Variants in LMO3 observed in about 807,000 individuals in gnomAD.
LMO3 encodes LIM domain only protein 3.
A neutral mutation model predicts 15.8 loss-of-function variants in LMO3; 2 were observed. The observed-to-expected ratio is 0.13, with a 90% CI of 0.05 to 0.40. The LOEUF (loss-of-function observed/expected upper bound fraction) is 0.40, where lower values mean the gene tolerates loss of function less well. LMO3 is among the 10% of genes least tolerant of loss of function. The pLI, the probability that LMO3 is intolerant of heterozygous loss-of-function variation, is 0.99. For synonymous variants in LMO3, 62 were observed against 63.8 expected (o/e 0.97, Z 0.13); for missense variants, 86 against 182.2 (o/e 0.47, Z 3.04).
chr12:16,605,578 G>A (rs1366758925), intron 1 of LMO3: 3 of 658,820 alleles, frequency 4.6e-6, no homozygotes, highest in African/African-American at 1.8e-5. Flanking sequence ...TAAGAAGTGG[G>A]GGTTCATGAA....
At position 16,581,340 on chromosome 12, in the gene LMO3, G is replaced by C. The variant is rs376362522; in HGVS notation, c.206+19315C>G. Among the ~76,000 whole-genome samples the C allele has an allele frequency of 2.0e-4, 30 of 152,214 alleles. No individual in the cohort carries two copies. In the East Asian group the frequency reaches 4.3e-3, roughly 22 times the overall value. ...TGACTAAATGACTTAATTACCCTCA[G>C]CCTCAGTGCCTTCTTCTCTAAAATG... On this transcript the variant is annotated intron_variant, in intron 2 of 3. Transcript: ENST00000537304.
intron 2 of LMO3, among the ~76,000 whole-genome samples, chr12:16,562,341 T>A (rs972562279): frequency 5.9e-5 from 9 of 152,228 alleles, no homozygotes; most frequent in Admixed American, 5.2e-4. Flanking sequence ...AGTTCTTTAT[T>A]CAATGAATAT....
At chr12:16,581,723 CT>C (rs971435953) in intron 2 of LMO3, among the ~76,000 whole-genome samples, 129 of 151,856 alleles carry the variant, frequency 8.5e-4, no homozygotes, top group African/African-American at 2.8e-3. Flanking sequence ...AAATAGAGGA[CT>C]TTTTTTTCAG....
chr12:16,605,539 A>T, intron 1 of LMO3: 1 of 496,812 alleles, frequency 2.0e-6, no homozygotes, highest in Non-Finnish European at 3.3e-6. Flanking sequence ...AGCGTCAACA[A>T]GGACCAAAAG....
intron 2 of LMO3, among the ~76,000 whole-genome samples, chr12:16,577,237 G>A (rs2137501789): frequency 6.6e-6 from 1 of 152,204 alleles, no homozygotes; most frequent in South Asian, 2.1e-4. Context: ...GTCAGAAGGT[G>A]CACCAACACC....
rs192001172 is a variant in LMO3, at chr12:16,548,950, C to T, written c.*2272G>A. On this transcript the variant is annotated 3_prime_UTR_variant, in exon 4 of 4. Coordinates refer to ENST00000537304, the MANE Select transcript of LMO3 (RefSeq NM_018640.5). This position sits in a 1 kb window ranked among gnomAD's most constrained non-coding sequence, Gnocchi z 4.2. Reference sequence around the variant, plus strand: ...AGCAGTGAAAACCTTGTTTGGTCTTCCAGTGGCAAGGATAGTTGAACAACT... The same window carrying T: ...AGCAGTGAAAACCTTGTTTGGTCTTTCAGTGGCAAGGATAGTTGAACAACT... The T allele has an allele frequency of 5.3e-5, 8 of 152,200 alleles. No homozygotes were observed. 9.4% of individuals were successfully genotyped at this position (152,200 alleles called of 1,614,324 possible). A position where few individuals can be genotyped will look rare whatever the true frequency, so the allele number is the denominator to read the frequency against.
At chr12:16,570,446 A>C (rs926296040) in intron 2 of LMO3, among the ~76,000 whole-genome samples, 19 of 152,168 alleles carry the variant, frequency 1.2e-4, no homozygotes, top group African/African-American at 4.3e-4. Flanking sequence ...CAAATACTGA[A>C]ATTTTCAACA....
At chr12:16,568,142 G>C in intron 2 of LMO3, among the ~76,000 whole-genome samples, 1 of 152,096 alleles carries the variant, frequency 6.6e-6, no homozygotes, top group South Asian at 2.1e-4. Flanking sequence ...CGGTTTCTCT[G>C]GGTATTGTAT....
At chr12:16,590,632 A>G (rs1683655960) in intron 2 of LMO3, among the ~76,000 whole-genome samples, 1 of 152,020 alleles carries the variant, frequency 6.6e-6, no homozygotes, top group African/African-American at 2.4e-5. Flanking sequence ...CATTGTGATC[A>G]GGACAGTTTG....
At chr12:16,561,070 A>C (rs7953162) in intron 2 of LMO3, among the ~76,000 whole-genome samples, 9,978 of 152,218 alleles carry the variant, frequency 0.066, 763 homozygotes, top group African/African-American at 0.18. Flanking sequence ...CCATAGTTAT[A>C]GCTATGATTA....
rs1272100235 is a variant in LMO3 at position 16,593,584 on chromosome 12, A to G, written c.206+7071T>C. Among the ~76,000 whole-genome samples the G allele has an allele frequency of 1.3e-5, 2 of 151,836 alleles. No homozygotes were observed. The highest frequency in any genetic ancestry group is 4.8e-5 in the African/African-American group (2 of 41,412). ...GAAAAAGGTTTATCAAGAAGATTTC[A>G]TAATACAGCACAGAAGCAAAAAATG... On this transcript the variant is annotated intron_variant, in intron 2 of 3. Transcript: ENST00000537304. The surrounding 1 kb of genome is among the most constrained non-coding windows in gnomAD (Gnocchi z 4.2).
At position 16,587,721 on chromosome 12, in the gene LMO3, T is replaced by C. The variant is rs188853672; in HGVS notation, c.206+12934A>G. On this transcript the variant is annotated intron_variant, in intron 2 of 3. Coordinates refer to ENST00000537304, the MANE Select transcript of LMO3 (RefSeq NM_018640.5). This position sits in a 1 kb window ranked among gnomAD's most constrained non-coding sequence, Gnocchi z 4.3. Reference sequence around the variant, plus strand: ...TCACTACAGGAGACAAACAATGATATGTATTACATGCAGTAAACACTGCCT... The same window carrying C: ...TCACTACAGGAGACAAACAATGATACGTATTACATGCAGTAAACACTGCCT... Among the ~76,000 whole-genome samples, 8 of 151,816 alleles carry C rather than the reference T, an allele frequency of 5.3e-5. No individual in the cohort carries two copies. The highest frequency in any genetic ancestry group is 1.2e-4 in the Non-Finnish European group (8 of 67,738).
upstream of LMO3, chr12:16,609,958 G>C (rs902250159): frequency 1.4e-4 from 21 of 151,190 alleles, no homozygotes; most frequent in East Asian, 7.8e-4. Flanking sequence ...CAGGTTGTTG[G>C]GGGGAGGCAA....
rs956895916 is a variant in LMO3 at position 16,587,201 on chromosome 12, G to A, written c.206+13454C>T. ...AAATATATTCATAAGCTACACACAC[G>A]AAAATGAAATGAACAAAGTGATTCA... On this transcript the variant is annotated intron_variant, in intron 2 of 3. Transcript: ENST00000537304. The surrounding 1 kb of genome is among the most constrained non-coding windows in gnomAD (Gnocchi z 4.3). 6.6e-6 allele frequency among the ~76,000 whole-genome samples: 1 copy of A among 152,092 alleles called. No homozygotes were observed. Among genetic ancestry groups the A allele is most frequent in the Admixed American group, 6.6e-5 (1 of 15,254 alleles).
rs765242101 is a variant in LMO3 at position 16,586,095 on chromosome 12, G to A, written c.206+14560C>T. 2.0e-5 allele frequency among the ~76,000 whole-genome samples: 3 copies of A among 151,954 alleles called. No homozygotes were observed. The highest frequency in any genetic ancestry group is 4.4e-5 in the Non-Finnish European group (3 of 68,008). On this transcript the variant is annotated intron_variant, in intron 2 of 3. Transcript: ENST00000537304. This position sits in a 1 kb window ranked among gnomAD's most constrained non-coding sequence, Gnocchi z 4.3. ...GTACAATTCCATAAAAATTTTTGAG[G>A]GGCCAAAACAATAGGGGTCAAGATC...
intron 3 of LMO3, among the ~76,000 whole-genome samples, chr12:16,554,991 T>C (rs995636318): frequency 1.3e-5 from 2 of 152,216 alleles, no homozygotes; most frequent in African/African-American, 4.8e-5. Context: ...ACCACTTTCT[T>C]CTAACTGTAA....
rs68115649 is a variant in LMO3, at chr12:16,557,367, A to ATT, written c.332+3044_332+3045dup. Among the ~76,000 whole-genome samples the ATT allele has an allele frequency of 4.7e-3, 673 of 142,734 alleles. 2 individuals carry two copies. Among genetic ancestry groups the ATT allele is most frequent in the South Asian group, 7.2e-3 (32 of 4,438 alleles). 93.6% of individuals were successfully genotyped at this position (142,734 alleles called of 152,430 possible). A position where few individuals can be genotyped will look rare whatever the true frequency, so the allele number is the denominator to read the frequency against. ...TCTTTCATCCCTTAAGGTGGCAAGG[A>ATT]TTTTTTTTTTTTTTTTTTAAACGTA... On this transcript the variant is annotated intron_variant, in intron 3 of 3. Transcript: ENST00000537304.
At chr12:16,594,038 C>G in intron 2 of LMO3, 1 of 1,101,690 alleles carries the variant, frequency 9.1e-7, no homozygotes, top group Non-Finnish European at 1.3e-6. Context: ...ACATGTTAGA[C>G]TGATTAATAT....
chr12:16,607,821 T>C (rs1461065717), upstream of LMO3: 2 of 151,498 alleles, frequency 1.3e-5, no homozygotes, highest in Non-Finnish European at 2.9e-5. Context: ...TCATAAAGAA[T>C]AAAGGCACAA....
Sources: allele counts gnomAD v4.1 joint callset (sites outside exome capture counted in the v4.1 genomes callset), GRCh38; gene constraint gnomAD v4.1.1; non-coding constraint Gnocchi (gnomAD v3.1); transcripts MANE v1.5; gene names NCBI Gene and HGNC (gene_info 2026-07-23, HGNC 2026-07-21).